The following TCAIM variants were observed in gnomAD, a reference collection of about 807,000 sequenced individuals.
The protein encoded by TCAIM is T-cell activation inhibitor, mitochondrial.
Under a neutral mutation model 58.6 loss-of-function variants are expected in TCAIM, and 36 were observed. The ratio of observed to expected loss-of-function variants is 0.61; its 90% CI spans 0.47 to 0.81. The LOEUF is 0.81. Among genes scored for constraint, TCAIM ranks in the 30% least tolerant of loss-of-function variants. TCAIM has a pLI of 0.00. For synonymous variants in TCAIM, 172 were observed against 193.6 expected (o/e 0.89, Z 0.93); for missense variants, 466 against 579.6 (o/e 0.80, Z 2.01).
intron 8 of TCAIM, 131 bp downstream of exon 8, chr3:44,396,965 C>T: frequency 1.3e-6 from 1 of 780,064 alleles, no homozygotes; most frequent in South Asian, 2.0e-5. Context: ...TTTTTAATCG[C>T]AGTATCAGCT....
chr3:44,405,989 T>A (rs1002419584), intron 10 of TCAIM, among the ~76,000 whole-genome samples: 5 of 151,050 alleles, frequency 3.3e-5, no homozygotes, highest in Non-Finnish European at 7.4e-5. Flanking sequence ...TCATGCTGAC[T>A]GCAGAGGCAC....
At chr3:44,376,734 T>G (rs1212891978) in intron 5 of TCAIM, among the ~76,000 whole-genome samples, 1 of 152,192 alleles carries the variant, frequency 6.6e-6, no homozygotes, top group Non-Finnish European at 1.5e-5. Flanking sequence ...TTATAAGTAA[T>G]TACTTTAAAT....
At chr3:44,356,382 C>T (rs958944692) in intron 2 of TCAIM, among the ~76,000 whole-genome samples, 19 of 152,160 alleles carry the variant, frequency 1.2e-4, no homozygotes, top group African/African-American at 4.6e-4. Context: ...CAAAAATTAA[C>T]TGGGCACGGT....
chr3:44,367,782 A>G, intron 5 of TCAIM, 74 bp downstream of exon 5: 1 of 1,381,022 alleles, frequency 7.2e-7, no homozygotes, highest in Non-Finnish European at 9.6e-7. Context: ...TGGGATGGCA[A>G]AAACATTTTT....
At position 44,338,783 on chromosome 3, in the gene TCAIM, G is replaced by A. The variant is rs1032236735; in HGVS notation, c.-96G>A. On this transcript the variant is annotated 5_prime_UTR_variant, in exon 1 of 11. Coordinates refer to ENST00000342649, the MANE Select transcript of TCAIM (RefSeq NM_173826.4). The stretch of plus-strand genomic sequence containing the variant: ...TGTCCTCCCTTCTGGTGTACTGGGT[G>A]GGAGGTGGAACTAGTCGGACAAAGC... 1 of 152,318 alleles carries A rather than the reference G, an allele frequency of 6.6e-6. No individual in the cohort carries two copies. Among genetic ancestry groups the A allele is most frequent in the African/African-American group, 2.4e-5 (1 of 41,464 alleles). 9.4% of individuals were successfully genotyped at this position (152,318 alleles called of 1,614,324 possible). A position where few individuals can be genotyped will look rare whatever the true frequency, so the allele number is the denominator to read the frequency against.
intron 3 of TCAIM, chr3:44,359,023 CAAA>C (rs2125633552): frequency 1.0e-6 from 1 of 982,440 alleles, no homozygotes; most frequent in South Asian, 4.7e-5. Flanking sequence ...TTTTTAAATT[CAAA>C]ATGTATAGAA....
intron 5 of TCAIM, among the ~76,000 whole-genome samples, chr3:44,388,939 C>G (rs1241317261): frequency 6.6e-6 from 1 of 152,202 alleles, no homozygotes; most frequent in Non-Finnish European, 1.5e-5. Flanking sequence ...GTGCTACATG[C>G]GCTCAGTTAC....
At position 44,407,419 on chromosome 3, in the gene TCAIM, T is replaced by C. The variant is rs747989722; in HGVS notation, c.1251-23T>C. ...ATGACAATATTTGTTCTTATGACAATATTTTTATTTTCTATATAATAGGTT... is the reference window on the plus strand; with the variant it reads ...ATGACAATATTTGTTCTTATGACAACATTTTTATTTTCTATATAATAGGTT... On this transcript the variant is annotated intron_variant, in intron 10 of 10. Transcript: ENST00000342649. 8.8e-6 allele frequency: 12 copies of C among 1,361,100 alleles called. No homozygotes were observed. The South Asian group carries it at 9.4e-5, about 11-fold the overall frequency. 84.3% of individuals were successfully genotyped at this position (1,361,100 alleles called of 1,614,324 possible). A position where few individuals can be genotyped will look rare whatever the true frequency, so the allele number is the denominator to read the frequency against.
intron 5 of TCAIM, among the ~76,000 whole-genome samples, chr3:44,390,740 G>A (rs1484332248): frequency 6.6e-6 from 1 of 151,990 alleles, no homozygotes; most frequent in Non-Finnish European, 1.5e-5. Flanking sequence ...GCAGGTCGAG[G>A]CAGGAGGATC....
intron 5 of TCAIM, among the ~76,000 whole-genome samples, chr3:44,388,317 CTT>C (rs1701776890): frequency 6.6e-6 from 1 of 152,120 alleles, no homozygotes; most frequent in African/African-American, 2.4e-5. Context: ...TGTCAAATCT[CTT>C]TAGTCTTCTT....
In TCAIM at chr3:44,396,421, C is replaced by T. The variant is rs145867678; in HGVS notation, c.717C>T (p.Ile239=). The part of the protein sequence containing the change: ...SDIRWQRSWG[I]AHRCSQLHSL... Reference sequence around the variant, plus strand: ...CTAGGTGGCAGAGGAGCTGGGGCATCGCCCACCGCTGTAGCCAGCTGCATA... The same window carrying T: ...CTAGGTGGCAGAGGAGCTGGGGCATTGCCCACCGCTGTAGCCAGCTGCATA... Residue 239 remains isoleucine (I), a synonymous_variant, in exon 7 of 11, where the codon ATC becomes ATT. Coordinates refer to ENST00000342649, the MANE Select transcript of TCAIM (RefSeq NM_173826.4). 28 of 1,613,182 alleles carry T rather than the reference C, an allele frequency of 1.7e-5. No homozygotes were observed. In the East Asian group the frequency reaches 2.5e-4, roughly 14 times the overall value.
intron 3 of TCAIM, chr3:44,359,019 A>C (rs1391238457): frequency 1.0e-6 from 1 of 982,970 alleles, no homozygotes; most frequent in Non-Finnish European, 1.2e-6. Flanking sequence ...AAAGTTTTTA[A>C]ATTCAAAATG....
Position 44,400,353 on chromosome 3 carries a change from A to T in TCAIM, c.886-2A>T. ...ATTTCTTTCCCTTTGTTAACACTGT[A>T]GCTTTTTGAAAGATTGCCAAGTTAT... On this transcript the variant is annotated splice_acceptor_variant, in intron 8 of 10. Transcript: ENST00000342649. LOFTEE classifies it high-confidence loss of function. The T allele has an allele frequency of 6.2e-7, 1 of 1,610,622 alleles. No homozygotes were observed. The highest frequency in any genetic ancestry group is 1.3e-5 in the African/African-American group (1 of 74,904).
chr3:44,374,469 T>C (rs1321492692), intron 5 of TCAIM, among the ~76,000 whole-genome samples: 2 of 152,110 alleles, frequency 1.3e-5, no homozygotes, highest in Non-Finnish European at 2.9e-5. Context: ...ATAAAAAGCT[T>C]TTGGTGCCAG....
intron 10 of TCAIM, among the ~76,000 whole-genome samples, chr3:44,405,991 C>T (rs1702095036): frequency 6.6e-6 from 1 of 151,380 alleles, no homozygotes; most frequent in African/African-American, 2.4e-5. Flanking sequence ...ATGCTGACTG[C>T]AGAGGCACCC....
At chr3:44,396,666 G>T in intron 7 of TCAIM, 77 bp from the exon 8 acceptor site, 1 of 1,516,300 alleles carries the variant, frequency 6.6e-7, no homozygotes, top group Non-Finnish European at 9.1e-7. Flanking sequence ...TTAATCCTGG[G>T]TTTATACACT....
intron 5 of TCAIM, among the ~76,000 whole-genome samples, chr3:44,386,795 T>G (rs1473777052): frequency 1.3e-5 from 2 of 152,318 alleles, no homozygotes; most frequent in Admixed American, 1.3e-4. Flanking sequence ...GGCCCAGGCC[T>G]GCAGGAGCCC....
At chr3:44,392,504 G>A (rs1281475958) in intron 5 of TCAIM, among the ~76,000 whole-genome samples, 2 of 152,162 alleles carry the variant, frequency 1.3e-5, no homozygotes, top group Non-Finnish European at 2.9e-5. Flanking sequence ...GGGTCCCAGT[G>A]TCTGTTGCTC....
In TCAIM at chr3:44,357,293, C is replaced by T. The variant is rs571119231; in HGVS notation, c.30-448C>T. ...TAAGGTGGGAGGATCACTTGACCCC[C>T]GGAGATCACACCGCTGCACTCCAGC... is the stretch of plus-strand genomic sequence containing the variant. On this transcript the variant is annotated intron_variant, in intron 2 of 10. Coordinates refer to ENST00000342649, the MANE Select transcript of TCAIM (RefSeq NM_173826.4). 5.3e-5 allele frequency among the ~76,000 whole-genome samples: 8 copies of T among 151,708 alleles called. No homozygotes were observed. In the East Asian group the frequency reaches 7.8e-4, roughly 15 times the overall value.
Sources: gnomAD v4.1 joint callset for allele counts (sites outside exome capture counted in the v4.1 genomes callset) on GRCh38, gnomAD v4.1.1 for gene constraint, MANE v1.5 for transcripts, NCBI Gene and HGNC (gene_info 2026-07-23, HGNC 2026-07-21) for gene names.